EXOC4: variants seen among roughly 807,000 people sequenced by gnomAD.
The protein encoded by EXOC4 is SEC8-like 1.
In EXOC4, 71 loss-of-function variants were observed where a neutral mutation model predicts 107.2. That is an observed-to-expected ratio of 0.66 (90% CI 0.55 to 0.81). EXOC4 has a LOEUF of 0.81. Among genes scored for constraint, EXOC4 ranks in the 30% least tolerant of loss-of-function variants. The pLI is 0.00. For synonymous variants in EXOC4, 456 were observed against 441.2 expected, an observed-to-expected ratio of 1.03 and a Z score of -0.42; for missense variants, 1,108 against 1,189.6, an observed-to-expected ratio of 0.93 and a Z score of 1.01.
chr7:133,817,245 G>T, intron 10 of EXOC4, 80 bp from the exon 11 acceptor site: 1 of 946,502 alleles, frequency 1.1e-6, no homozygotes, highest in South Asian at 1.5e-5. Flanking sequence ...GCCAACACTA[G>T]ATATACTCAT....
chr7:133,666,675 T>C (rs1350109859), intron 10 of EXOC4, among the ~76,000 whole-genome samples: 2 of 152,198 alleles, frequency 1.3e-5, no homozygotes, highest in Admixed American at 1.3e-4. Flanking sequence ...TTCATCCATT[T>C]ATTCACTCAA....
intron 10 of EXOC4, among the ~76,000 whole-genome samples, chr7:133,662,838 C>T (rs535479553): frequency 1.2e-4 from 18 of 152,254 alleles, no homozygotes; most frequent in African/African-American, 3.1e-4. Flanking sequence ...CAGTAGGTAA[C>T]GGTAAATGTG....
At chr7:133,952,818 T>C (rs534473368) in intron 14 of EXOC4, among the ~76,000 whole-genome samples, 1 of 152,350 alleles carries the variant, frequency 6.6e-6, no homozygotes, top group East Asian at 1.9e-4. Flanking sequence ...AAGCATGTGT[T>C]AGCACTCCCT....
intron 14 of EXOC4, among the ~76,000 whole-genome samples, chr7:133,991,564 AGTAATTTC>A (rs1794262049): frequency 6.6e-6 from 1 of 152,092 alleles, no homozygotes; most frequent in Non-Finnish European, 1.5e-5. Flanking sequence ...GCTTTTTTCT[AGTAATTTC>A]ATAGTTTTTA....
At chr7:133,351,927 T>C (rs548245940) in intron 5 of EXOC4, among the ~76,000 whole-genome samples, 9 of 152,128 alleles carry the variant, frequency 5.9e-5, no homozygotes, top group African/African-American at 2.2e-4. Flanking sequence ...CTTTGAGGTT[T>C]CTTCTTTGAT....
intron 9 of EXOC4, among the ~76,000 whole-genome samples, chr7:133,493,776 A>T (rs1353916141): frequency 6.6e-6 from 1 of 152,278 alleles, no homozygotes; most frequent in East Asian, 1.9e-4. Flanking sequence ...TTGAGAATGT[A>T]GTTGTGATTC....
At chr7:133,528,096 T>C (rs1800114318) in intron 9 of EXOC4, among the ~76,000 whole-genome samples, 2 of 152,198 alleles carry the variant, frequency 1.3e-5, no homozygotes, top group Non-Finnish European at 2.9e-5. Flanking sequence ...CACTATATTG[T>C]CCATTTAATT....
downstream of EXOC4, among the ~76,000 whole-genome samples, chr7:134,066,795 A>T (rs1307748527): frequency 6.6e-6 from 1 of 152,140 alleles, no homozygotes; most frequent in Admixed American, 6.5e-5. Context: ...CCCACGAAAC[A>T]CATACACAGT....
chr7:133,300,063 A>G (rs569222352), intron 3 of EXOC4, among the ~76,000 whole-genome samples: 1 of 152,306 alleles, frequency 6.6e-6, no homozygotes, highest in South Asian at 2.1e-4. Flanking sequence ...TGGTGAGAGT[A>G]CACCAAGTCT....
At chr7:134,002,433 G>A (rs1794550579) in intron 15 of EXOC4, among the ~76,000 whole-genome samples, 1 of 152,034 alleles carries the variant, frequency 6.6e-6, no homozygotes, top group Admixed American at 6.6e-5. Context: ...TCTGAAATGT[G>A]ACACTAAAAA....
chr7:133,654,416 T>C (rs190174038), intron 10 of EXOC4, among the ~76,000 whole-genome samples: 15 of 152,274 alleles, frequency 9.9e-5, no homozygotes, highest in East Asian at 5.8e-4. Context: ...AGATGAGCCG[T>C]TATACCTAAA....
chr7:133,576,371 G>A (rs1163330260), intron 9 of EXOC4: 1 of 799,772 alleles, frequency 1.3e-6, no homozygotes, highest in Non-Finnish European at 1.7e-6. Flanking sequence ...TGATTGGTTG[G>A]CTTGTTTCTT....
rs148276320 is a variant in EXOC4, at chr7:133,997,041, C to T, written c.2207-451C>T. On this transcript the variant is annotated intron_variant, in intron 14 of 17. Transcript: ENST00000253861. ...CTTGATGTAAGATGGTCAAATCTTTCGGAGATGGAACAGGCTGCCTTGAAA... is the reference window on the plus strand; with the variant it reads ...CTTGATGTAAGATGGTCAAATCTTTTGGAGATGGAACAGGCTGCCTTGAAA... 3.0e-3 allele frequency among the ~76,000 whole-genome samples: 458 copies of T among 152,254 alleles called. 4 individuals are homozygous for T. The highest frequency in any genetic ancestry group is 6.5e-3 in the Admixed American group (100 of 15,294).
chr7:133,812,304 C>A (rs1193874222), intron 10 of EXOC4, among the ~76,000 whole-genome samples: 1 of 152,170 alleles, frequency 6.6e-6, no homozygotes, highest in Non-Finnish European at 1.5e-5. Flanking sequence ...TTCATTTCCT[C>A]ATTAAACCAT....
chr7:133,339,913 C>G (rs1479937207), intron 5 of EXOC4, among the ~76,000 whole-genome samples: 1 of 152,088 alleles, frequency 6.6e-6, no homozygotes, highest in Non-Finnish European at 1.5e-5. Context: ...TTGGATGAAT[C>G]TTTGGGGTTT....
At chr7:133,474,648 GT>G (rs1398150533) in intron 7 of EXOC4, among the ~76,000 whole-genome samples, 3 of 152,048 alleles carry the variant, frequency 2.0e-5, no homozygotes, top group Non-Finnish European at 4.4e-5. Flanking sequence ...TGCTTTTCTT[GT>G]GTTGAAGCTC....
At chr7:133,653,347 A>G (rs987513056) in intron 10 of EXOC4, among the ~76,000 whole-genome samples, 1 of 152,210 alleles carries the variant, frequency 6.6e-6, no homozygotes, top group East Asian at 1.9e-4. Context: ...TGCTCTCAAC[A>G]TATCTACCTA....
intron 7 of EXOC4, among the ~76,000 whole-genome samples, chr7:133,460,428 A>C (rs754144400): frequency 4.6e-5 from 7 of 152,266 alleles, no homozygotes; most frequent in Middle Eastern, 6.8e-3. Flanking sequence ...ACTTACTTAA[A>C]CCAGCAGTGC....
At chr7:133,657,010 A>G (rs1364019025) in intron 10 of EXOC4, among the ~76,000 whole-genome samples, 1 of 152,178 alleles carries the variant, frequency 6.6e-6, no homozygotes, top group African/African-American at 2.4e-5. Context: ...AGAATATCAG[A>G]AGTGGCACAT....
Sources: gnomAD v4.1 joint callset for allele counts (sites outside exome capture counted in the v4.1 genomes callset) on GRCh38, gnomAD v4.1.1 for gene constraint, MANE v1.5 for transcripts, NCBI Gene and HGNC (gene_info 2026-07-23, HGNC 2026-07-21) for gene names.